Variants in MTX2 observed in about 807,000 individuals in gnomAD.
MTX2 encodes metaxin 2.
A neutral mutation model predicts 42.3 loss-of-function variants in MTX2; 35 were observed. That is an observed-to-expected ratio of 0.83 (90% CI 0.63 to 1.10). The LOEUF (loss-of-function observed/expected upper bound fraction) is 1.10, where lower values mean the gene tolerates loss of function less well. MTX2 is among the 50% of genes least tolerant of loss of function. The pLI, the probability that MTX2 is intolerant of heterozygous loss-of-function variation, is 0.00. For missense variants in MTX2, 307 were observed against 304.1 expected (o/e 1.01, Z -0.07); for synonymous variants, 119 against 100.9 (o/e 1.18, Z -1.08).
chr2:176,313,304 A>G (rs1575052822), intron 3 of MTX2, among the ~76,000 whole-genome samples: 1 of 152,016 alleles, frequency 6.6e-6, no homozygotes, highest in African/African-American at 2.4e-5. Flanking sequence ...TACTTTTTCA[A>G]GCTAACACAG....
chr2:176,324,030 A>G (rs1218688995), intron 4 of MTX2, among the ~76,000 whole-genome samples: 1 of 151,622 alleles, frequency 6.6e-6, no homozygotes, highest in Non-Finnish European at 1.5e-5. Flanking sequence ...TCAGTAGATT[A>G]AATTACTGTT....
chr2:176,293,375 A>AC, intron 1 of MTX2, among the ~76,000 whole-genome samples: 1 of 152,240 alleles, frequency 6.6e-6, no homozygotes, highest in African/African-American at 2.4e-5. Flanking sequence ...CTGTGTAATT[A>AC]TATGAGCTCT....
At chr2:176,307,724 A>G (rs1203303030) in intron 3 of MTX2, among the ~76,000 whole-genome samples, 1 of 152,076 alleles carries the variant, frequency 6.6e-6, no homozygotes, top group Non-Finnish European at 1.5e-5. Flanking sequence ...GTGTATAGGA[A>G]TGCTTGTGAT....
At chr2:176,270,442 G>A in intron 1 of MTX2, 2 of 1,332,094 alleles carry the variant, frequency 1.5e-6, no homozygotes, top group Non-Finnish European at 2.0e-6. Context: ...TCTTATTGAG[G>A]TTTTTATTTA....
intron 3 of MTX2, among the ~76,000 whole-genome samples, chr2:176,313,388 C>CTTTTTTTTTTTTTTTTTTT (rs1207416607): frequency 9.7e-6 from 1 of 103,492 alleles, no homozygotes; most frequent in African/African-American, 3.9e-5. Context: ...TACACTGATT[C>CTTTTTTTTTTTTTTTTTTT]TTTTTTTTTT....
At chr2:176,274,476 G>A (rs932778234) in intron 1 of MTX2, among the ~76,000 whole-genome samples, 15 of 152,052 alleles carry the variant, frequency 9.9e-5, no homozygotes, top group Admixed American at 1.3e-4. Context: ...TACTCGGATG[G>A]GTATTTAGAG....
intron 1 of MTX2, among the ~76,000 whole-genome samples, chr2:176,282,333 A>G (rs1012937650): frequency 2.0e-5 from 3 of 151,994 alleles, no homozygotes; most frequent in Non-Finnish European, 4.4e-5. Context: ...TCATTTTAAT[A>G]TGAAGAGCTA....
chr2:176,328,700 A>G (rs1684779066), intron 6 of MTX2, among the ~76,000 whole-genome samples, 174 bp from the exon 7 acceptor site: 1 of 151,322 alleles, frequency 6.6e-6, no homozygotes, highest in African/African-American at 2.4e-5. Flanking sequence ...AATAAAAAAT[A>G]TTTTTATAAC....
At chr2:176,274,045 C>T (rs964327508) in intron 1 of MTX2, among the ~76,000 whole-genome samples, 1 of 152,120 alleles carries the variant, frequency 6.6e-6, no homozygotes, top group Non-Finnish European at 1.5e-5. Flanking sequence ...AACTCCTGTT[C>T]ATCCTTTAAG....
At chr2:176,325,258 A>G (rs1240976114) in intron 4 of MTX2, among the ~76,000 whole-genome samples, 3 of 151,746 alleles carry the variant, frequency 2.0e-5, no homozygotes, top group Non-Finnish European at 4.4e-5. Context: ...ACGGTAAACA[A>G]AGCCCTCAGT....
chr2:176,293,367 G>C (rs902314539), intron 1 of MTX2, among the ~76,000 whole-genome samples: 1 of 152,132 alleles, frequency 6.6e-6, no homozygotes, highest in African/African-American at 2.4e-5. Flanking sequence ...ACCAGTTACT[G>C]TGTAATTATA....
intron 3 of MTX2, among the ~76,000 whole-genome samples, chr2:176,322,271 T>C (rs1684603580): frequency 6.6e-6 from 1 of 152,132 alleles, no homozygotes; most frequent in Admixed American, 6.6e-5. Flanking sequence ...TTAACACTTA[T>C]TTCTAATGTA....
At chr2:176,295,641 A>G (rs1204896172) in intron 1 of MTX2, among the ~76,000 whole-genome samples, 2 of 152,200 alleles carry the variant, frequency 1.3e-5, no homozygotes. Context: ...AAACCAAACT[A>G]AACCTAAAAG....
Position 176,278,041 on chromosome 2 carries a change from G to GTT in MTX2, c.40+8398_40+8399dup, listed in dbSNP as rs59379339. ...TGTATTGCTGAATAGGTTGAAACTG[G>GTT]TTTTTTTTTTTTTTTTTTTTTTTTT... On this transcript the variant is annotated intron_variant, in intron 1 of 9. Coordinates refer to ENST00000249442, the MANE Select transcript of MTX2 (RefSeq NM_006554.5). Among the ~76,000 whole-genome samples the GTT allele has an allele frequency of 8.9e-3, 758 of 84,842 alleles. 122 individuals carry two copies. Among genetic ancestry groups the GTT allele is most frequent in the African/African-American group, 0.032 (589 of 18,274 alleles). The allele number at this position is 84,842 out of a possible 152,430, so 55.7% of individuals were successfully genotyped here.
chr2:176,286,297 G>A (rs1038071901), intron 1 of MTX2, among the ~76,000 whole-genome samples: 20 of 152,152 alleles, frequency 1.3e-4, no homozygotes, highest in African/African-American at 4.6e-4. Context: ...AATCTTAATT[G>A]CTGTCGTTAT....
At chr2:176,273,627 T>C (rs1692876575) in intron 1 of MTX2, among the ~76,000 whole-genome samples, 1 of 152,206 alleles carries the variant, frequency 6.6e-6, no homozygotes, top group Non-Finnish European at 1.5e-5. Context: ...AGGATATCTT[T>C]TTAGAAGTCT....
intron 1 of MTX2, among the ~76,000 whole-genome samples, chr2:176,284,387 G>A (rs1225213100): frequency 6.6e-6 from 1 of 152,158 alleles, no homozygotes; most frequent in African/African-American, 2.4e-5. Flanking sequence ...GCTTGTTGGT[G>A]CTGTGAATTT....
chr2:176,281,033 TCTG>T (rs1389957416), intron 1 of MTX2, among the ~76,000 whole-genome samples: 1 of 152,174 alleles, frequency 6.6e-6, no homozygotes, highest in African/African-American at 2.4e-5. Context: ...TTGGTGGAGT[TCTG>T]CTCCTTTTAT....
rs769206893 is a variant in MTX2, at chr2:176,329,311, C to G, written c.428C>G (p.Ala143Gly). Reference sequence around the variant, plus strand: ...ATCTTTTTACTTTAGATCACTCATGCTAGGTATGGATCTCCTTACCCTTGG... The same window carrying G: ...ATCTTTTTACTTTAGATCACTCATGGTAGGTATGGATCTCCTTACCCTTGG... Reference protein sequence around the residue: ...DEATVGEITHARYGSPYPWPL... With the variant: ...DEATVGEITHGRYGSPYPWPL... Residue 143 changes from alanine to glycine, a missense_variant, in exon 8 of 10, where the codon GCT becomes GGT. Coordinates refer to ENST00000249442, the MANE Select transcript of MTX2 (RefSeq NM_006554.5). The G allele has an allele frequency of 6.2e-6, 10 of 1,604,284 alleles. No homozygotes were observed. The South Asian group carries it at 1.0e-4, about 16-fold the overall frequency.
Sources: gnomAD v4.1 joint callset for allele counts (sites outside exome capture counted in the v4.1 genomes callset) on GRCh38, gnomAD v4.1.1 for gene constraint, MANE v1.5 for transcripts, NCBI Gene and HGNC (gene_info 2026-07-23, HGNC 2026-07-21) for gene names.